Variants in VTI1A observed in about 807,000 individuals in gnomAD.
VTI1A encodes vesicle transport through interaction with t-SNAREs 1A.
Under a neutral mutation model 34.9 loss-of-function variants are expected in VTI1A, and 22 were observed. The ratio of observed to expected loss-of-function variants is 0.63; its 90% CI spans 0.45 to 0.90. VTI1A has a LOEUF of 0.90. Ranked by LOEUF, VTI1A falls within the 40% of genes least tolerant of loss-of-function variation. The pLI is 0.00. For missense variants in VTI1A, 268 were observed against 275.6 expected (o/e 0.97, Z 0.20); for synonymous variants, 87 against 97.3 (o/e 0.89, Z 0.62).
chr10:112,470,135 G>C (rs1406167971), intron 3 of VTI1A, among the ~76,000 whole-genome samples: 3 of 152,158 alleles, frequency 2.0e-5, no homozygotes, highest in Non-Finnish European at 4.4e-5. Context: ...AGGAGGGTTT[G>C]TCTTGTACCA....
chr10:112,812,605 G>C (rs1172208255), intron 7 of VTI1A, among the ~76,000 whole-genome samples: 3 of 152,124 alleles, frequency 2.0e-5, no homozygotes, highest in African/African-American at 7.2e-5. Context: ...GGTCCTGAGG[G>C]GTATCACATT....
At chr10:112,585,254 C>G (rs915747343) in intron 5 of VTI1A, among the ~76,000 whole-genome samples, 1 of 152,226 alleles carries the variant, frequency 6.6e-6, no homozygotes, top group African/African-American at 2.4e-5. Flanking sequence ...TTATGAATCA[C>G]TCCAGCAGGG....
At chr10:112,557,023 A>G (rs900416804) in intron 5 of VTI1A, among the ~76,000 whole-genome samples, 9 of 152,012 alleles carry the variant, frequency 5.9e-5, no homozygotes, top group African/African-American at 2.2e-4. Flanking sequence ...ACCGTTACTG[A>G]TATATTAATG....
chr10:112,807,271 G>C (rs1853120253), intron 7 of VTI1A, among the ~76,000 whole-genome samples: 1 of 152,296 alleles, frequency 6.6e-6, no homozygotes, highest in African/African-American at 2.4e-5. Flanking sequence ...ATTTTCCAGG[G>C]CTGCTAGGGC....
intron 5 of VTI1A, among the ~76,000 whole-genome samples, chr10:112,542,954 T>C (rs911559738): frequency 6.6e-6 from 1 of 152,210 alleles, no homozygotes; most frequent in Non-Finnish European, 1.5e-5. Context: ...TGCGATAGTT[T>C]GCTGAGAATG....
chr10:112,784,804 G>GA (rs1404296416), intron 7 of VTI1A, among the ~76,000 whole-genome samples: 3 of 152,012 alleles, frequency 2.0e-5, no homozygotes, highest in East Asian at 3.9e-4. Context: ...TAGTCAAAAC[G>GA]AAAAAAATTT....
At chr10:112,645,664 A>G (rs1590018950) in intron 5 of VTI1A, among the ~76,000 whole-genome samples, 1 of 152,226 alleles carries the variant, frequency 6.6e-6, no homozygotes, top group East Asian at 1.9e-4. Flanking sequence ...CAGATGATCT[A>G]ATCCAACTCC....
At chr10:112,646,435 AGGAGCAAGAAGCCCAGGGT>A (rs1367592233) in intron 5 of VTI1A, among the ~76,000 whole-genome samples, 3 of 152,168 alleles carry the variant, frequency 2.0e-5, no homozygotes, top group Non-Finnish European at 4.4e-5. Context: ...GTATGAGTGT[AGGAGCAAGAAGCCCAGGGT>A]GGACATCAGG....
At chr10:112,827,529 A>G in the VTI1A span, 4 of 151,488 alleles carry the variant, frequency 2.6e-5, no homozygotes, top group African/African-American at 9.7e-5. Flanking sequence ...GAACCCTCAC[A>G]TTTTTTTTCT....
At chr10:112,773,020 A>G (rs996902498) in intron 7 of VTI1A, among the ~76,000 whole-genome samples, 1 of 152,232 alleles carries the variant, frequency 6.6e-6, no homozygotes, top group Non-Finnish European at 1.5e-5. Flanking sequence ...AGTAGGTAAA[A>G]TAATTACCAA....
the VTI1A span, among the ~76,000 whole-genome samples, chr10:112,839,235 A>G: frequency 6.6e-6 from 1 of 152,304 alleles, no homozygotes; most frequent in South Asian, 2.1e-4. Flanking sequence ...AGGGGCTCAC[A>G]GTCTGGCAGG....
rs77497979 is a variant in VTI1A at position 112,749,558 on chromosome 10, T to C, written c.561-65732T>C. ...GCCCTTGATGAAAGGAGTAGCTGCTTACAGCAGTCCTTCGTATTGCCTGTT... is the reference window on the plus strand; with the variant it reads ...GCCCTTGATGAAAGGAGTAGCTGCTCACAGCAGTCCTTCGTATTGCCTGTT... On this transcript the variant is annotated intron_variant, in intron 7 of 7. Coordinates refer to ENST00000393077, the MANE Select transcript of VTI1A (RefSeq NM_145206.4). 5.1e-3 allele frequency among the ~76,000 whole-genome samples: 779 copies of C among 152,354 alleles called. 13 individuals carry two copies. The highest frequency in any genetic ancestry group is 0.018 in the African/African-American group (748 of 41,584).
chr10:112,638,291 A>G (rs1180344291), intron 5 of VTI1A, among the ~76,000 whole-genome samples: 2 of 152,246 alleles, frequency 1.3e-5, no homozygotes, highest in African/African-American at 4.8e-5. Context: ...TTATTTAAAC[A>G]TTGAGAGCCC....
intron 3 of VTI1A, among the ~76,000 whole-genome samples, chr10:112,517,290 C>T (rs1448453971): frequency 6.6e-6 from 1 of 151,876 alleles, no homozygotes; most frequent in African/African-American, 2.4e-5. Context: ...CAAAAGTGGC[C>T]ATTGCAGCTA....
At chr10:112,562,673 A>G (rs1299180575) in intron 5 of VTI1A, among the ~76,000 whole-genome samples, 5 of 152,094 alleles carry the variant, frequency 3.3e-5, no homozygotes, top group Admixed American at 2.6e-4. Context: ...AATAATAACT[A>G]AAACACAATC....
intron 5 of VTI1A, among the ~76,000 whole-genome samples, chr10:112,616,484 G>C (rs1027888224): frequency 2.6e-5 from 4 of 151,894 alleles, no homozygotes; most frequent in Non-Finnish European, 4.4e-5. Flanking sequence ...CCTAAATTAG[G>C]CTCTCTGGAT....
At chr10:112,833,218 A>G in the VTI1A span, among the ~76,000 whole-genome samples, 1 of 151,800 alleles carries the variant, frequency 6.6e-6, no homozygotes, top group Non-Finnish European at 1.5e-5. Context: ...TGCAGCCTCT[A>G]CTCATCAGAA....
chr10:112,845,473 T>G, the VTI1A span, among the ~76,000 whole-genome samples: 1 of 152,346 alleles, frequency 6.6e-6, no homozygotes, highest in Non-Finnish European at 1.5e-5. Flanking sequence ...CTGGACTTCA[T>G]TAATGCCTGG....
the VTI1A span, chr10:112,824,271 A>C: frequency 6.6e-6 from 1 of 152,238 alleles, no homozygotes; most frequent in Non-Finnish European, 1.5e-5. Flanking sequence ...TTAAACCAAC[A>C]TGTACAGAAA....
Sources: gnomAD v4.1 joint callset for allele counts (sites outside exome capture counted in the v4.1 genomes callset) on GRCh38, gnomAD v4.1.1 for gene constraint, MANE v1.5 for transcripts, NCBI Gene and HGNC (gene_info 2026-07-23, HGNC 2026-07-21) for gene names.